The following PACRG variants were observed in gnomAD, a reference collection of about 807,000 sequenced individuals.
PACRG encodes parkin coregulated gene protein.
A neutral mutation model predicts 29.7 loss-of-function variants in PACRG; 29 were observed. The observed-to-expected ratio is 0.98, with a 90% CI of 0.73 to 1.33. The LOEUF (loss-of-function observed/expected upper bound fraction) is 1.33. PACRG is among the 40% of genes most tolerant of loss of function. PACRG has a pLI of 0.00. For synonymous variants in PACRG, 116 were observed against 118.7 expected, an observed-to-expected ratio of 0.98 and a Z score of 0.15; for missense variants, 279 against 316.2, an observed-to-expected ratio of 0.88 and a Z score of 0.89.
In PACRG at chr6:163,090,356, C is replaced by T. The variant is rs183303096; in HGVS notation, c.613+948C>T. On this transcript the variant is annotated intron_variant, in intron 4 of 4. Coordinates refer to ENST00000366888, the MANE Select transcript of PACRG (RefSeq NM_001080379.2). ...TTTTAGCTCTCTTTCAGTAGTAGAA[C>T]CGGCTTATATGTTAAATACTATACA... The T allele has an allele frequency of 1.5e-4, 23 of 152,236 alleles. No homozygotes were observed. The East Asian group carries it at 3.1e-3, about 20-fold the overall frequency. 9.4% of individuals were successfully genotyped at this position (152,236 alleles called of 1,614,324 possible).
chr6:162,891,689 C>G (rs1794770673), intron 2 of PACRG, among the ~76,000 whole-genome samples: 1 of 152,070 alleles, frequency 6.6e-6, no homozygotes, highest in South Asian at 2.1e-4. Context: ...CTGAAAAAAC[C>G]AGACAAGCAG....
chr6:162,929,262 A>G (rs570693573), intron 2 of PACRG, among the ~76,000 whole-genome samples: 16 of 152,042 alleles, frequency 1.1e-4, no homozygotes, highest in African/African-American at 3.1e-4. Context: ...CGTTCTTGAC[A>G]TTCCCACCGG....
At chr6:163,164,371 G>A (rs988821821) in intron 4 of PACRG, among the ~76,000 whole-genome samples, 1 of 152,068 alleles carries the variant, frequency 6.6e-6, no homozygotes, top group African/African-American at 2.4e-5. Flanking sequence ...TATCCTCTAC[G>A]TTGGCCTCTA....
Position 163,315,096 on chromosome 6 carries a change from C to A in PACRG, c.*109C>A. The A allele has an allele frequency of 2.3e-6, 3 of 1,330,796 alleles. No individual in the cohort carries two copies. The highest frequency in any genetic ancestry group is 3.1e-6 in the Non-Finnish European group (3 of 968,532). The allele number at this position is 1,330,796 out of a possible 1,614,324, so 82.4% of individuals were successfully genotyped here. A position where few individuals can be genotyped will look rare whatever the true frequency, so the allele number is the denominator to read the frequency against. On this transcript the variant is annotated 3_prime_UTR_variant, in exon 5 of 5. Coordinates refer to ENST00000366888, the MANE Select transcript of PACRG (RefSeq NM_001080379.2). Reference sequence around the variant, plus strand: ...ACTTCCACAGCTTTCTTTTCTACAGCTGCTAAAATAGTGGCTTATGGGCCA... The same window carrying A: ...ACTTCCACAGCTTTCTTTTCTACAGATGCTAAAATAGTGGCTTATGGGCCA...
chr6:162,902,371 T>C (rs1427304488), intron 2 of PACRG, among the ~76,000 whole-genome samples: 3 of 152,228 alleles, frequency 2.0e-5, no homozygotes, highest in African/African-American at 7.2e-5. Flanking sequence ...GCTGATGATA[T>C]ACCTTTAAGT....
chr6:163,307,655 A>G (rs530939326), intron 4 of PACRG, among the ~76,000 whole-genome samples: 1 of 152,344 alleles, frequency 6.6e-6, no homozygotes, highest in East Asian at 1.9e-4. Flanking sequence ...AGACACAGAA[A>G]CACCCAGGAT....
At chr6:163,155,812 T>G (rs1052067578) in intron 4 of PACRG, among the ~76,000 whole-genome samples, 1 of 152,218 alleles carries the variant, frequency 6.6e-6, no homozygotes, top group Non-Finnish European at 1.5e-5. Flanking sequence ...ATGGCTGATC[T>G]ACCTTTGTGC....
intron 2 of PACRG, among the ~76,000 whole-genome samples, chr6:162,967,250 G>A (rs376567058): frequency 4.0e-5 from 6 of 150,110 alleles, no homozygotes; most frequent in Non-Finnish European, 4.4e-5. Flanking sequence ...TACTAAAACT[G>A]AAAAAAAAAA....
chr6:162,972,457 G>A (rs1018331596), intron 2 of PACRG, among the ~76,000 whole-genome samples: 1 of 152,100 alleles, frequency 6.6e-6, no homozygotes, highest in African/African-American at 2.4e-5. Flanking sequence ...AGTCGACTAT[G>A]ATCTAAATAA....
chr6:162,780,076 G>T (rs1328372553), intron 1 of PACRG, among the ~76,000 whole-genome samples: 2 of 152,224 alleles, frequency 1.3e-5, no homozygotes, highest in African/African-American at 4.8e-5. Flanking sequence ...AAGATCTGCA[G>T]AGGGTCCCCC....
At chr6:163,072,553 C>T (rs1812164096) in intron 3 of PACRG, among the ~76,000 whole-genome samples, 2 of 152,126 alleles carry the variant, frequency 1.3e-5, no homozygotes, top group Admixed American at 1.3e-4. Flanking sequence ...AGGAACACGA[C>T]AGAGCGCCCA....
At chr6:162,752,388 G>A (rs1450323119) in intron 1 of PACRG, among the ~76,000 whole-genome samples, 1 of 152,136 alleles carries the variant, frequency 6.6e-6, no homozygotes, top group Non-Finnish European at 1.5e-5. Flanking sequence ...AGAGTTGGGG[G>A]AGTTAGGATT....
At chr6:162,981,989 C>T (rs1802476940) in intron 2 of PACRG, among the ~76,000 whole-genome samples, 1 of 137,348 alleles carries the variant, frequency 7.3e-6, no homozygotes. Flanking sequence ...TTGGTCTGTT[C>T]ACGGTTTCTA....
At chr6:162,896,896 G>A (rs1366742861) in intron 2 of PACRG, among the ~76,000 whole-genome samples, 1 of 152,226 alleles carries the variant, frequency 6.6e-6, no homozygotes, top group Non-Finnish European at 1.5e-5. Context: ...TTAAATAGAA[G>A]TAATGAATAG....
At chr6:162,835,029 C>T (rs755480530) in intron 2 of PACRG, among the ~76,000 whole-genome samples, 61 of 152,058 alleles carry the variant, frequency 4.0e-4, no homozygotes, top group Non-Finnish European at 7.7e-4. Context: ...TCATTGAGCC[C>T]TGTTTCAAGG....
At chr6:163,186,165 T>C (rs10806773) in intron 4 of PACRG, among the ~76,000 whole-genome samples, 65,186 of 152,060 alleles carry the variant, frequency 0.43, 15,791 homozygotes, top group African/African-American at 0.66. Context: ...GGGGCTTCGT[T>C]GTGTGGCCTT....
In PACRG at chr6:163,040,073, G is replaced by A. The variant is rs183529620; in HGVS notation, c.292-22077G>A. Among the ~76,000 whole-genome samples the A allele has an allele frequency of 3.9e-5, 6 of 152,292 alleles. No individual in the cohort carries two copies. In the East Asian group the frequency reaches 7.7e-4, roughly 20 times the overall value. Reference sequence around the variant, plus strand: ...GAGGTCTAGGAGGGAAAATAGTTTCGTGGGCTGGGCCTAGGGCCCCACTGC... The same window carrying A: ...GAGGTCTAGGAGGGAAAATAGTTTCATGGGCTGGGCCTAGGGCCCCACTGC... On this transcript the variant is annotated intron_variant, in intron 2 of 4. Transcript: ENST00000366888.
chr6:162,818,498 T>C (rs1408293660), intron 2 of PACRG, among the ~76,000 whole-genome samples: 1 of 152,158 alleles, frequency 6.6e-6, no homozygotes, highest in African/African-American at 2.4e-5. Context: ...CTCTGCTGTG[T>C]AAATAAAGAG....
intron 2 of PACRG, among the ~76,000 whole-genome samples, chr6:162,890,889 A>G (rs1562704150): frequency 6.6e-6 from 1 of 152,114 alleles, no homozygotes; most frequent in Non-Finnish European, 1.5e-5. Context: ...GGTTTTAATG[A>G]TAGGAGCCCA....
Sources: gnomAD v4.1 joint callset for allele counts (sites outside exome capture counted in the v4.1 genomes callset) on GRCh38, gnomAD v4.1.1 for gene constraint, MANE v1.5 for transcripts, NCBI Gene and HGNC (gene_info 2026-07-23, HGNC 2026-07-21) for gene names.